PRH1: variants seen among roughly 807,000 people sequenced by gnomAD.
PRH1 encodes salivary acidic proline-rich phosphoprotein 1/2.
Under a neutral mutation model 7.9 loss-of-function variants are expected in PRH1, and 7 were observed. The observed-to-expected ratio is 0.89, with a 90% confidence interval of 0.50 to 1.67. The LOEUF (loss-of-function observed/expected upper bound fraction) is 1.67, where lower values mean the gene tolerates loss of function less well. Ranked by LOEUF, PRH1 falls within the 40% of genes most tolerant of loss-of-function variation. The probability of loss-of-function intolerance (pLI) is 0.00; values close to 1 mark genes in which losing one functional copy is unlikely to be tolerated. For missense variants in PRH1, 109 were observed against 223.6 expected (o/e 0.49, Z 3.27); for synonymous variants, 45 against 80.8 (o/e 0.56, Z 2.38).
chr12:11,008,575 C>T (rs1012206342), intron 1 of PRH1, among the ~76,000 whole-genome samples: 2 of 152,096 alleles, frequency 1.3e-5, no homozygotes, highest in African/African-American at 4.8e-5. Context: ...AGGTATGCAA[C>T]CCTAAACTCA....
At chr12:11,116,710 A>G (rs1476268077), downstream of PRH1, among the ~76,000 whole-genome samples, 1 of 152,098 alleles carries the variant, frequency 6.6e-6, no homozygotes, top group Non-Finnish European at 1.5e-5. Context: ...TAATACATTA[A>G]AAAGATATTT....
At chr12:11,070,585 C>T (rs1384625710) in intron 1 of PRH1, among the ~76,000 whole-genome samples, 2 of 152,174 alleles carry the variant, frequency 1.3e-5, no homozygotes, top group Admixed American at 6.5e-5. Context: ...TTTTAATAAA[C>T]TTCCATTCCT....
At chr12:10,953,103 CA>C (rs746104604) in intron 2 of PRH1, among the ~76,000 whole-genome samples, 1 of 150,098 alleles carries the variant, frequency 6.7e-6, no homozygotes, top group Non-Finnish European at 1.5e-5. Flanking sequence ...CAAAGTGTGT[CA>C]AAGAAGATAA....
rs1361248018 is a variant in PRH1, at chr12:11,093,155, A to G, written n.124-45967T>C. 1.7e-5 allele frequency among the ~76,000 whole-genome samples: 2 copies of G among 116,184 alleles called. 1 individual carries two copies. Among genetic ancestry groups the G allele is most frequent in the Non-Finnish European group, 4.1e-5 (2 of 49,218 alleles). The allele number at this position is 116,184 out of a possible 152,430, so 76.2% of individuals were successfully genotyped here. A position where few individuals can be genotyped will look rare whatever the true frequency, so the allele number is the denominator to read the frequency against. On this transcript the variant is annotated intron_variant and non_coding_transcript_variant, in intron 1 of 4. Coordinates refer to the PRH1 transcript ENST00000541977. ...TGTTAGGGAAGTTTTGTAACTTAAT[A>G]TATATATCATCCAGTAAATGTCTAA...
intron 2 of PRH1, among the ~76,000 whole-genome samples, chr12:10,917,735 T>C (rs1162250628): frequency 6.6e-6 from 1 of 152,202 alleles, no homozygotes; most frequent in African/African-American, 2.4e-5. Context: ...TGGCAGGACA[T>C]TTCTGAATTC....
intron 2 of PRH1, among the ~76,000 whole-genome samples, chr12:10,949,972 AATTAT>A (rs1299143489): frequency 6.6e-6 from 1 of 152,198 alleles, no homozygotes; most frequent in Non-Finnish European, 1.5e-5. Context: ...ATATAAATTG[AATTAT>A]ATTGAATATT....
At chr12:11,041,501 C>T (rs1330188199) in intron 1 of PRH1, among the ~76,000 whole-genome samples, 1 of 152,028 alleles carries the variant, frequency 6.6e-6, no homozygotes, top group African/African-American at 2.4e-5. Context: ...TAGAGCAAAG[C>T]AAAGAGAAAA....
chr12:10,956,963 A>G lies in PRH1; in HGVS notation c.-59+16692T>C, dbSNP rs117011299. On this transcript the variant is annotated intron_variant, in intron 2 of 3. Coordinates refer to the PRH1 transcript ENST00000539853. The stretch of plus-strand genomic sequence containing the variant: ...CCAGGTGCATGGATGGGAAGAATCA[A>G]TATTGTTTAAATGCCCATACTGCCC... Among the ~76,000 whole-genome samples the G allele has an allele frequency of 4.7e-3, 720 of 152,270 alleles. 4 individuals carry two copies. Among genetic ancestry groups the G allele is most frequent in the Non-Finnish European group, 8.1e-3 (552 of 68,010 alleles).
At chr12:11,038,311 G>C (rs543989935) in intron 1 of PRH1, among the ~76,000 whole-genome samples, 28 of 152,274 alleles carry the variant, frequency 1.8e-4, no homozygotes, top group Admixed American at 2.0e-4. Flanking sequence ...CCACACATTG[G>C]CAAGAAAAAA....
chr12:11,052,161 A>ATTGTT (rs761885182), upstream of PRH1, among the ~76,000 whole-genome samples: 4 of 152,146 alleles, frequency 2.6e-5, no homozygotes, highest in Non-Finnish European at 5.9e-5. Context: ...ACAAGACAAT[A>ATTGTT]TTGTTTTATA....
intron 1 of PRH1, among the ~76,000 whole-genome samples, chr12:11,008,759 TTATC>T (rs943131441): frequency 6.6e-6 from 1 of 152,062 alleles, no homozygotes; most frequent in Non-Finnish European, 1.5e-5. Context: ...TTTACTATAA[TTATC>T]TATCCTTAGT....
intron 1 of PRH1, among the ~76,000 whole-genome samples, chr12:11,086,339 C>T (rs551048236): frequency 7.8e-5 from 9 of 114,706 alleles, no homozygotes; most frequent in East Asian, 4.4e-4. Context: ...ACTTAAAAAA[C>T]GTGTTCCATT....
At chr12:11,074,364 G>A (rs1433440296) in intron 1 of PRH1, among the ~76,000 whole-genome samples, 2 of 149,906 alleles carry the variant, frequency 1.3e-5, no homozygotes, top group Non-Finnish European at 3.0e-5. Context: ...GAAATGAGCA[G>A]GACAGCAGTT....
rs535479535 is a variant in PRH1, at chr12:10,980,559, T to C, written c.-125-6838A>G. Among the ~76,000 whole-genome samples the C allele has an allele frequency of 1.3e-5, 2 of 151,950 alleles. 1 individual carries two copies. Among genetic ancestry groups the C allele is most frequent in the South Asian group, 4.1e-4 (2 of 4,820 alleles). On this transcript the variant is annotated intron_variant, in intron 1 of 3. Transcript: ENST00000539853. Reference sequence around the variant, plus strand: ...ATAATGAGAAATATGTAAATAGATGTACATAAATAAATAATATATATAAAT... The same window carrying C: ...ATAATGAGAAATATGTAAATAGATGCACATAAATAAATAATATATATAAAT...
intron 1 of PRH1, among the ~76,000 whole-genome samples, chr12:11,111,933 A>G (rs1388566143): frequency 7.0e-6 from 1 of 142,552 alleles, no homozygotes; most frequent in East Asian, 2.0e-4. Context: ...AAAAGAGAGA[A>G]TAATCCAATA....
In PRH1 at chr12:11,022,551, G is replaced by T. The variant is rs142814206; in HGVS notation, c.-126+24469C>A. The T allele has an allele frequency of 1.6e-3, 2,537 of 1,611,106 alleles. 5 individuals carry two copies. The highest frequency in any genetic ancestry group is 2.0e-3 in the Non-Finnish European group (2,367 of 1,178,848). ...CAAACACTACCAGAATTGATGAAAT[G>T]ATGAGCAGAAAACACATCATGTTTG... On this transcript the variant is annotated intron_variant, in intron 1 of 3. Transcript: ENST00000539853.
At chr12:10,948,651 T>C (rs2135908906) in intron 2 of PRH1, among the ~76,000 whole-genome samples, 1 of 152,342 alleles carries the variant, frequency 6.6e-6, no homozygotes, top group Non-Finnish European at 1.5e-5. Flanking sequence ...TGTTAAGAAC[T>C]CTTGTTGGAA....
chr12:10,920,246 A>C (rs1950027638), intron 2 of PRH1, among the ~76,000 whole-genome samples: 1 of 151,976 alleles, frequency 6.6e-6, no homozygotes, highest in South Asian at 2.1e-4. Flanking sequence ...TTTCTTTTTC[A>C]AGAATTGTCT....
intron 1 of PRH1, among the ~76,000 whole-genome samples, chr12:11,168,294 A>AGG (rs1947677410): frequency 2.1e-5 from 1 of 48,072 alleles, no homozygotes; most frequent in Non-Finnish European, 5.1e-5. Flanking sequence ...GAAAGAAAGA[A>AGG]AGAAAGAAGG....
Sources: allele counts gnomAD v4.1 joint callset (sites outside exome capture counted in the v4.1 genomes callset), GRCh38; gene constraint gnomAD v4.1.1; transcripts MANE v1.5; gene names NCBI Gene and HGNC (gene_info 2026-07-23, HGNC 2026-07-21).